The following FGGY variants were observed in gnomAD, a reference collection of about 807,000 sequenced individuals.
The protein encoded by FGGY is FGGY carbohydrate kinase domain-containing protein.
Under a neutral mutation model 71.3 loss-of-function variants are expected in FGGY, and 72 were observed. That is an observed-to-expected ratio of 1.01 (90% CI 0.84 to 1.23). The LOEUF (loss-of-function observed/expected upper bound fraction) is 1.23. FGGY is among the 50% of genes most tolerant of loss of function. The probability of loss-of-function intolerance (pLI) is 0.00; values close to 1 mark genes in which losing one functional copy is unlikely to be tolerated. For synonymous variants in FGGY, 251 were observed against 250.3 expected, an observed-to-expected ratio of 1.00 and a Z score of -0.02; for missense variants, 668 against 682.3, an observed-to-expected ratio of 0.98 and a Z score of 0.23.
Position 59,473,299 on chromosome 1 carries a change from C to T in FGGY, c.670+16223C>T, listed in dbSNP as rs189355039. On this transcript the variant is annotated intron_variant, in intron 6 of 15. Coordinates refer to ENST00000303721, the MANE Select transcript of FGGY (RefSeq NM_018291.5). ...GGCTTAAGAGCTGTAACACTCACCG[C>T]GAAGGTCCGCAGCTTCACTCCTGAG... 5.0e-3 allele frequency among the ~76,000 whole-genome samples: 763 copies of T among 151,924 alleles called. 19 individuals are homozygous for T. The highest frequency in any genetic ancestry group is 0.017 in the East Asian group (87 of 5,172).
chr1:59,650,620 G>A (rs1374068853), intron 11 of FGGY, among the ~76,000 whole-genome samples: 10 of 107,376 alleles, frequency 9.3e-5, no homozygotes, highest in Non-Finnish European at 1.7e-4. Context: ...TTTTTATTGC[G>A]TCTATTTGAT....
intron 6 of FGGY, among the ~76,000 whole-genome samples, chr1:59,488,617 ATTACT>A (rs2093729040): frequency 6.7e-6 from 1 of 150,000 alleles, no homozygotes; most frequent in Admixed American, 6.7e-5. Flanking sequence ...TATATGTATC[ATTACT>A]TTACACAATT....
At chr1:59,461,044 G>A (rs780602662) in intron 6 of FGGY, among the ~76,000 whole-genome samples, 7 of 152,160 alleles carry the variant, frequency 4.6e-5, no homozygotes, top group South Asian at 2.1e-4. Flanking sequence ...TGCCAGCTAC[G>A]GAACAAAGCT....
At chr1:59,564,120 G>T (rs183746357) in intron 8 of FGGY, among the ~76,000 whole-genome samples, 21 of 152,294 alleles carry the variant, frequency 1.4e-4, no homozygotes, top group African/African-American at 5.1e-4. Flanking sequence ...CATTCAGGAT[G>T]TAGGCATGGA....
intron 7 of FGGY, among the ~76,000 whole-genome samples, chr1:59,536,107 T>C (rs370991994): frequency 0.2 from 29,507 of 147,736 alleles, 3,973 homozygotes; most frequent in African/African-American, 0.38. Flanking sequence ...AGGAAAAAAA[T>C]AAGAATCAAA....
chr1:59,510,033 CTTTTTTCTTTTTT>C (rs1194893963), intron 6 of FGGY, among the ~76,000 whole-genome samples: 7 of 135,398 alleles, frequency 5.2e-5, no homozygotes, highest in African/African-American at 2.0e-4. Context: ...TTTTCTTTTT[CTTTTTTCTTTTTT>C]TTTTTTTTTA....
At chr1:59,486,728 G>T (rs1293024234) in intron 6 of FGGY, among the ~76,000 whole-genome samples, 1 of 152,108 alleles carries the variant, frequency 6.6e-6, no homozygotes, top group East Asian at 1.9e-4. Flanking sequence ...CTCCTAAGTA[G>T]ACCACATCCC....
intron 7 of FGGY, among the ~76,000 whole-genome samples, chr1:59,550,065 A>G (rs1240039360): frequency 1.3e-5 from 2 of 152,160 alleles, no homozygotes; most frequent in African/African-American, 4.8e-5. Flanking sequence ...GCATTGTGCA[A>G]GTTTCAGGGA....
At chr1:59,490,747 G>GT (rs2093804917) in intron 6 of FGGY, among the ~76,000 whole-genome samples, 1 of 151,982 alleles carries the variant, frequency 6.6e-6, no homozygotes, top group African/African-American at 2.4e-5. Flanking sequence ...TAGATATCCA[G>GT]TTTTCTGAGC....
At chr1:59,685,777 T>A (rs1437650232) in intron 14 of FGGY, among the ~76,000 whole-genome samples, 1 of 152,172 alleles carries the variant, frequency 6.6e-6, no homozygotes, top group African/African-American at 2.4e-5. Flanking sequence ...TTTTTTTAAA[T>A]GAGGTCTCGC....
chr1:59,461,309 GA>G (rs2153521217), intron 6 of FGGY, among the ~76,000 whole-genome samples: 1 of 152,298 alleles, frequency 6.6e-6, no homozygotes. Context: ...TCAAGTGGAA[GA>G]AAGGGTATCA....
intron 14 of FGGY, among the ~76,000 whole-genome samples, chr1:59,727,250 C>T (rs1243388878): frequency 6.6e-6 from 1 of 152,168 alleles, no homozygotes; most frequent in South Asian, 2.1e-4. Context: ...GCATAGTAAT[C>T]TGTGATGTAC....
chr1:59,412,836 G>A (rs75274393), intron 5 of FGGY, among the ~76,000 whole-genome samples: 7,766 of 152,188 alleles, frequency 0.051, 217 homozygotes, highest in South Asian at 0.091. Flanking sequence ...AGTGGGCCAC[G>A]TGGGGCCTGG....
At chr1:59,354,669 G>C (rs2053946074) in intron 4 of FGGY, among the ~76,000 whole-genome samples, 1 of 152,176 alleles carries the variant, frequency 6.6e-6, no homozygotes, top group South Asian at 2.1e-4. Context: ...AGTGTCTCCT[G>C]TGTGAGAGGC....
In FGGY at chr1:59,583,293, T is replaced by C. The variant is rs571324420; in HGVS notation, c.904-24510T>C. 1.5e-4 allele frequency among the ~76,000 whole-genome samples: 22 copies of C among 143,662 alleles called. 1 individual carries two copies. The East Asian group carries it at 4.5e-3, about 30-fold the overall frequency. The allele number at this position is 143,662 out of a possible 152,430, so 94.2% of individuals were successfully genotyped here. A position where few individuals can be genotyped will look rare whatever the true frequency, so the allele number is the denominator to read the frequency against. On this transcript the variant is annotated intron_variant, in intron 8 of 15. Coordinates refer to ENST00000303721, the MANE Select transcript of FGGY (RefSeq NM_018291.5). ...TGGTAGGATGATGGCATTGGGAAGC[T>C]ATAAGGGTGATTCTGACTTCTCTGA...
At chr1:59,369,170 G>A (rs2057110844) in intron 4 of FGGY, among the ~76,000 whole-genome samples, 1 of 152,186 alleles carries the variant, frequency 6.6e-6, no homozygotes, top group South Asian at 2.1e-4. Flanking sequence ...CAAAGAAAGG[G>A]GTGACAGACG....
Position 59,626,057 on chromosome 1 carries a change from C to T in FGGY, c.1073+8C>T, listed in dbSNP as rs2096853432. 6.2e-6 allele frequency: 10 copies of T among 1,612,328 alleles called. No homozygotes were observed. Among genetic ancestry groups the T allele is most frequent in the Non-Finnish European group, 8.5e-6 (10 of 1,178,808 alleles). ...AGTAAAGGCCACAGCCAGGTAACTG[C>T]TGTCTCTGTTCCCTCTAAAATTTTC... is the stretch of plus-strand genomic sequence containing the variant. On this transcript the variant is annotated splice_region_variant and intron_variant, in intron 10 of 15. Coordinates refer to ENST00000303721, the MANE Select transcript of FGGY (RefSeq NM_018291.5).
At chr1:59,467,149 C>T (rs1203441572) in intron 6 of FGGY, among the ~76,000 whole-genome samples, 1 of 152,130 alleles carries the variant, frequency 6.6e-6, no homozygotes, top group Non-Finnish European at 1.5e-5. Flanking sequence ...AACAGATAGA[C>T]ACCATGGAAT....
chr1:59,502,414 C>T (rs967272321), intron 6 of FGGY, among the ~76,000 whole-genome samples: 4 of 151,960 alleles, frequency 2.6e-5, no homozygotes, highest in Non-Finnish European at 4.4e-5. Context: ...TTGCATGTGG[C>T]CTTAGGCTAG....
Sources: allele counts gnomAD v4.1 joint callset (sites outside exome capture counted in the v4.1 genomes callset), GRCh38; gene constraint gnomAD v4.1.1; transcripts MANE v1.5; gene names NCBI Gene and HGNC (gene_info 2026-07-23, HGNC 2026-07-21).